The following FMN1 variants were observed in gnomAD, a reference collection of about 807,000 sequenced individuals.
The protein encoded by FMN1 is formin 1.
A neutral mutation model predicts 132.4 loss-of-function variants in FMN1; 110 were observed. That is an observed-to-expected ratio of 0.83 (90% CI 0.71 to 0.97). The LOEUF is 0.97. FMN1 is among the 50% of genes least tolerant of loss of function. The pLI is 0.00. For synonymous variants in FMN1, 722 were observed against 651.7 expected (o/e 1.11, Z -1.64); for missense variants, 1,792 against 1,705.3 (o/e 1.05, Z -0.90).
chr15:33,006,065 A>G (rs1321185818), intron 7 of FMN1, among the ~76,000 whole-genome samples: 2 of 152,206 alleles, frequency 1.3e-5, no homozygotes, highest in African/African-American at 2.4e-5. Flanking sequence ...TTGCAATAAC[A>G]TAACATATAA....
chr15:33,120,565 T>C (rs1962454724), intron 4 of FMN1, among the ~76,000 whole-genome samples: 1 of 152,170 alleles, frequency 6.6e-6, no homozygotes, highest in Non-Finnish European at 1.5e-5. Flanking sequence ...ATTACTATTT[T>C]TTTATGTGGG....
intron 2 of FMN1, among the ~76,000 whole-genome samples, chr15:33,185,494 T>G (rs1048615435): frequency 5.3e-5 from 8 of 151,956 alleles, no homozygotes; most frequent in Non-Finnish European, 7.4e-5. Context: ...AAAGTAAATT[T>G]TTGTTTCCTT....
intron 6 of FMN1, among the ~76,000 whole-genome samples, chr15:33,040,630 A>T (rs971540736): frequency 3.9e-5 from 6 of 152,252 alleles, no homozygotes. Context: ...GGTGACTCTG[A>T]TGTCACAGCC....
chr15:33,116,272 A>G (rs750877504), intron 4 of FMN1, among the ~76,000 whole-genome samples: 8 of 152,232 alleles, frequency 5.3e-5, no homozygotes, highest in Non-Finnish European at 1.0e-4. Flanking sequence ...TGTTTATAAA[A>G]CTCTTTTAAA....
intron 16 of FMN1, among the ~76,000 whole-genome samples, chr15:32,858,650 G>A (rs4780049): frequency 0.8 from 122,043 of 152,234 alleles, 49,139 homozygotes; most frequent in Middle Eastern, 0.84. Flanking sequence ...AATCCTGTCC[G>A]TTGGGAGGCA....
chr15:32,999,006 A>C (rs1476848617), intron 7 of FMN1, among the ~76,000 whole-genome samples: 1 of 152,212 alleles, frequency 6.6e-6, no homozygotes, highest in East Asian at 1.9e-4. Flanking sequence ...CAACACTAGT[A>C]AACCAGTAAA....
At chr15:33,022,180 T>C (rs1194678896) in intron 6 of FMN1, among the ~76,000 whole-genome samples, 1 of 152,244 alleles carries the variant, frequency 6.6e-6, no homozygotes, top group Non-Finnish European at 1.5e-5. Context: ...TAAATACTTA[T>C]CTTTTTTATT....
Position 33,098,367 on chromosome 15 carries a change from G to C in FMN1, c.1868-9393C>G, listed in dbSNP as rs138421558. Among the ~76,000 whole-genome samples, 1,341 of 152,180 alleles carry C rather than the reference G, an allele frequency of 8.8e-3. 9 individuals carry two copies. Among genetic ancestry groups the C allele is most frequent in the Non-Finnish European group, 0.013 (864 of 67,958 alleles). ...TGGATTCAGTGACCACATGCTTCCT[G>C]AATGCTGAATGCTGAGGCCTGAGCT... On this transcript the variant is annotated intron_variant, in intron 4 of 20. Transcript: ENST00000616417.
chr15:32,782,513 T>C (rs1340907013), intron 19 of FMN1, among the ~76,000 whole-genome samples: 1 of 152,228 alleles, frequency 6.6e-6, no homozygotes, highest in Non-Finnish European at 1.5e-5. Context: ...TGTCATCTTA[T>C]GTATAGATTC....
chr15:33,046,348 G>A (rs1225240488), intron 6 of FMN1, among the ~76,000 whole-genome samples: 1 of 152,134 alleles, frequency 6.6e-6, no homozygotes, highest in African/African-American at 2.4e-5. Flanking sequence ...TTGAAAATGA[G>A]GGTTCCCAAA....
intron 4 of FMN1, among the ~76,000 whole-genome samples, chr15:33,131,646 G>A (rs774176530): frequency 1.3e-5 from 2 of 152,130 alleles, no homozygotes; most frequent in Non-Finnish European, 2.9e-5. Context: ...CATGCAGAGA[G>A]ATAATATCAC....
At chr15:32,943,875 G>A (rs56335194) in intron 9 of FMN1, among the ~76,000 whole-genome samples, 6 of 152,226 alleles carry the variant, frequency 3.9e-5, no homozygotes, top group South Asian at 2.1e-4. Context: ...TGAGAGTTTC[G>A]CAATGGAAAG....
At chr15:32,792,723 A>G (rs7180433) in intron 19 of FMN1, among the ~76,000 whole-genome samples, 71,113 of 151,876 alleles carry the variant, frequency 0.47, 16,818 homozygotes, top group Middle Eastern at 0.53. Flanking sequence ...TGCACCTTCC[A>G]GCTCATGCTA....
chr15:33,088,949 C>G lies in FMN1; in HGVS notation c.1893G>C (p.Trp631Cys). 1 of 1,535,742 alleles carries G rather than the reference C, an allele frequency of 6.5e-7. No homozygotes were observed. The highest frequency in any genetic ancestry group is 8.7e-7 in the Non-Finnish European group (1 of 1,146,750). The change falls in exon 5 of 21, where the codon TGG becomes TGC. Residue 631 changes from tryptophan to cysteine, a missense_variant. Trp to Cys is a radical substitution (Grantham distance 215, BLOSUM62 -2). This residue lies in a region of FMN1 where 1,150 missense variants were observed against 1,043.1 expected (regional missense o/e 1.10). Coordinates refer to ENST00000616417, the MANE Select transcript of FMN1 (RefSeq NM_001277313.2). The part of the protein sequence containing the change: ...PPGISSEGFP[W>C]DGFNEQTPKD... The stretch of plus-strand genomic sequence containing the variant: ...TAGGTGTCTGCTCATTGAAGCCGTC[C>G]CAGGGAAAGCCCTCAGAGGAGATAC...
chr15:33,119,091 T>C (rs1336709285), intron 4 of FMN1, among the ~76,000 whole-genome samples: 1 of 152,184 alleles, frequency 6.6e-6, no homozygotes, highest in Admixed American at 6.5e-5. Flanking sequence ...TCAGCTAGAA[T>C]TCTTCATAGT....
chr15:33,152,055 C>T (rs1281417375), intron 4 of FMN1, among the ~76,000 whole-genome samples: 1 of 152,150 alleles, frequency 6.6e-6, no homozygotes, highest in Non-Finnish European at 1.5e-5. Flanking sequence ...TTTGCTCTAA[C>T]CTGTAAGAGA....
At chr15:33,112,518 T>G (rs1407656728) in intron 4 of FMN1, among the ~76,000 whole-genome samples, 1 of 152,160 alleles carries the variant, frequency 6.6e-6, no homozygotes, top group Non-Finnish European at 1.5e-5. Context: ...ATGCCGAACC[T>G]AAGAGCATTC....
chr15:32,975,177 G>C (rs2032103956), intron 7 of FMN1, among the ~76,000 whole-genome samples: 1 of 152,106 alleles, frequency 6.6e-6, no homozygotes, highest in Non-Finnish European at 1.5e-5. Flanking sequence ...AATTCTGCTT[G>C]ACAAAAGTAT....
chr15:32,872,327 T>C (rs1383080418), intron 16 of FMN1, among the ~76,000 whole-genome samples: 1 of 152,216 alleles, frequency 6.6e-6, no homozygotes, highest in African/African-American at 2.4e-5. Context: ...TCCCATTGAA[T>C]AGTACTTCAA....
Sources: allele counts gnomAD v4.1 joint callset (sites outside exome capture counted in the v4.1 genomes callset), GRCh38; gene constraint gnomAD v4.1.1; regional missense constraint gnomAD v4.1.1; transcripts MANE v1.5; gene names NCBI Gene and HGNC (gene_info 2026-07-23, HGNC 2026-07-21).